The following LINGO2 variants were observed in gnomAD, a reference collection of about 807,000 sequenced individuals.
The protein encoded by LINGO2 is leucine rich repeat and Ig domain containing 2.
Under a neutral mutation model 30.6 loss-of-function variants are expected in LINGO2, and 14 were observed. That is an observed-to-expected ratio of 0.46 (90% CI 0.30 to 0.72). The LOEUF (loss-of-function observed/expected upper bound fraction) is 0.72. LINGO2 is among the 30% of genes least tolerant of loss of function. The probability of loss-of-function intolerance (pLI) is 0.07; values close to 1 mark genes in which losing one functional copy is unlikely to be tolerated. For synonymous variants in LINGO2, 317 were observed against 288.5 expected, an observed-to-expected ratio of 1.10 and a Z score of -1.00; for missense variants, 729 against 751.7, an observed-to-expected ratio of 0.97 and a Z score of 0.35.
intron 5 of LINGO2, among the ~76,000 whole-genome samples, chr9:28,010,881 C>A (rs1247293942): frequency 2.0e-5 from 3 of 152,158 alleles, no homozygotes; most frequent in Non-Finnish European, 4.4e-5. Flanking sequence ...TCTCTTGAAC[C>A]CAAGAGTTCG....
the LINGO2 span, among the ~76,000 whole-genome samples, chr9:29,062,554 A>G: frequency 0.36 from 54,714 of 151,926 alleles, 9,939 homozygotes; most frequent in East Asian, 0.48. Flanking sequence ...GAACCTTGAA[A>G]ACGTCATGCT....
At chr9:28,019,969 C>T (rs1047777257) in intron 4 of LINGO2, among the ~76,000 whole-genome samples, 2 of 152,012 alleles carry the variant, frequency 1.3e-5, no homozygotes, top group Non-Finnish European at 1.5e-5. Context: ...AAATAAAATC[C>T]CAAGAGCACC....
At chr9:28,483,256 G>C (rs1281188112) in intron 1 of LINGO2, among the ~76,000 whole-genome samples, 2 of 152,014 alleles carry the variant, frequency 1.3e-5, no homozygotes, top group Non-Finnish European at 2.9e-5. Flanking sequence ...TATCTCCAAA[G>C]CAATGGACTA....
the LINGO2 span, among the ~76,000 whole-genome samples, chr9:28,984,936 C>T: frequency 2.0e-5 from 3 of 151,964 alleles, no homozygotes; most frequent in African/African-American, 7.2e-5. Context: ...CTATATTCAC[C>T]ACATTATGTG....
At chr9:28,027,022 G>C (rs1823411298) in intron 4 of LINGO2, among the ~76,000 whole-genome samples, 1 of 152,156 alleles carries the variant, frequency 6.6e-6, no homozygotes, top group Non-Finnish European at 1.5e-5. Flanking sequence ...GCTGCCAGCT[G>C]TATAGGGGCA....
intron 1 of LINGO2, among the ~76,000 whole-genome samples, chr9:28,510,520 G>A (rs1383368719): frequency 6.6e-6 from 1 of 152,046 alleles, no homozygotes; most frequent in Non-Finnish European, 1.5e-5. Context: ...GGAAGAGGAG[G>A]GGTTGATCTT....
At chr9:28,005,622 G>C (rs933631190) in intron 5 of LINGO2, among the ~76,000 whole-genome samples, 4 of 152,008 alleles carry the variant, frequency 2.6e-5, no homozygotes, top group African/African-American at 9.7e-5. Context: ...CCAAAGTCTT[G>C]TGGGGCTGTA....
intron 4 of LINGO2, among the ~76,000 whole-genome samples, chr9:28,114,687 A>G (rs1370314550): frequency 8.6e-6 from 1 of 116,158 alleles, no homozygotes; most frequent in Non-Finnish European, 1.8e-5. Flanking sequence ...TAGATTTTCT[A>G]TTTTATTTGC....
chr9:28,018,628 C>T (rs1474342907), intron 4 of LINGO2, among the ~76,000 whole-genome samples: 1 of 151,882 alleles, frequency 6.6e-6, no homozygotes, highest in Non-Finnish European at 1.5e-5. Context: ...AATGCAAATA[C>T]AAACCACAAT....
At chr9:28,200,074 C>T (rs1820174271) in intron 4 of LINGO2, among the ~76,000 whole-genome samples, 1 of 146,478 alleles carries the variant, frequency 6.8e-6, no homozygotes, top group South Asian at 2.2e-4. Context: ...ACAATTACAA[C>T]AAAACACTTT....
At chr9:29,092,845 T>C in the LINGO2 span, among the ~76,000 whole-genome samples, 1 of 136,776 alleles carries the variant, frequency 7.3e-6, no homozygotes, top group African/African-American at 2.7e-5. Context: ...TTTGTACATA[T>C]GAACATAATT....
intron 3 of LINGO2, among the ~76,000 whole-genome samples, chr9:28,344,817 T>C (rs192443216): frequency 2.6e-5 from 4 of 152,262 alleles, no homozygotes; most frequent in Non-Finnish European, 4.4e-5. Context: ...TTAGCTTAGC[T>C]AACTCCGGAA....
intron 4 of LINGO2, among the ~76,000 whole-genome samples, chr9:28,191,235 G>T (rs1359075817): frequency 6.6e-6 from 1 of 152,154 alleles, no homozygotes; most frequent in Admixed American, 6.5e-5. Context: ...AAATAACTTC[G>T]CTTCACAGCG....
chr9:28,622,029 A>T (rs1451615800), intron 1 of LINGO2, among the ~76,000 whole-genome samples: 1 of 151,952 alleles, frequency 6.6e-6, no homozygotes, highest in Non-Finnish European at 1.5e-5. Flanking sequence ...TTAATTTTTA[A>T]TTTTTGTCGG....
the LINGO2 span, among the ~76,000 whole-genome samples, chr9:28,790,321 CTTTCT>C: frequency 8.6e-6 from 1 of 116,288 alleles, no homozygotes; most frequent in Non-Finnish European, 1.8e-5. Context: ...CTTTTCTTTT[CTTTCT>C]TTTTTTTTTT....
At chr9:29,014,456 A>G in the LINGO2 span, among the ~76,000 whole-genome samples, 3 of 152,184 alleles carry the variant, frequency 2.0e-5, no homozygotes, top group African/African-American at 7.2e-5. Context: ...GGAGCTTTAT[A>G]GTCTTCAAAA....
At chr9:28,580,616 T>G (rs566137431) in intron 1 of LINGO2, among the ~76,000 whole-genome samples, 1 of 152,186 alleles carries the variant, frequency 6.6e-6, no homozygotes, top group Non-Finnish European at 1.5e-5. Flanking sequence ...AAATGGAATG[T>G]TGTATGGTTA....
At chr9:28,526,993 T>C (rs990188375) in intron 1 of LINGO2, among the ~76,000 whole-genome samples, 1 of 152,208 alleles carries the variant, frequency 6.6e-6, no homozygotes, top group Non-Finnish European at 1.5e-5. Context: ...AATATTACAT[T>C]ATTATATTAA....
intron 2 of LINGO2, among the ~76,000 whole-genome samples, chr9:28,461,278 G>C (rs1825069744): frequency 6.6e-6 from 1 of 152,034 alleles, no homozygotes; most frequent in Non-Finnish European, 1.5e-5. Context: ...GCCTCACTAG[G>C]AGCCTAAAGT....
Sources: allele counts gnomAD v4.1 joint callset (sites outside exome capture counted in the v4.1 genomes callset), GRCh38; gene constraint gnomAD v4.1.1; transcripts MANE v1.5; gene names NCBI Gene and HGNC (gene_info 2026-07-23, HGNC 2026-07-21).